Variants in WDFY2 observed in about 807,000 individuals in gnomAD.
WDFY2 encodes WD repeat and FYVE domain-containing protein 2.
WDFY2 carries 36 observed loss-of-function variants against 56.4 expected under a neutral mutation model. That is an observed-to-expected ratio of 0.64 (90% CI 0.49 to 0.84). The LOEUF (loss-of-function observed/expected upper bound fraction) is 0.84. WDFY2 is among the 40% of genes least tolerant of loss of function. WDFY2 has a pLI of 0.00. For synonymous variants in WDFY2, 176 were observed against 183.7 expected (o/e 0.96, Z 0.34); for missense variants, 444 against 512.2 (o/e 0.87, Z 1.29).
At chr13:51,637,746 T>C (rs1050733111) in intron 1 of WDFY2, among the ~76,000 whole-genome samples, 8 of 152,184 alleles carry the variant, frequency 5.3e-5, no homozygotes, top group South Asian at 2.1e-4. Flanking sequence ...CTTGTACATA[T>C]AGGATAAAAA....
intron 1 of WDFY2, among the ~76,000 whole-genome samples, chr13:51,607,300 C>G (rs930828543): frequency 6.6e-6 from 1 of 152,154 alleles, no homozygotes; most frequent in Non-Finnish European, 1.5e-5. Context: ...AGTAGACTTG[C>G]TTGGATGTGT....
At chr13:51,668,484 G>A (rs1455396494) in intron 2 of WDFY2, among the ~76,000 whole-genome samples, 2 of 152,296 alleles carry the variant, frequency 1.3e-5, no homozygotes, top group East Asian at 3.9e-4. Context: ...TTTAGTGCTA[G>A]AAAATTGAAG....
At position 51,646,584 on chromosome 13, in the gene WDFY2, A is replaced by T. The variant is rs925714376; in HGVS notation, c.138-14012A>T. On this transcript the variant is annotated intron_variant, in intron 1 of 11. Coordinates refer to ENST00000298125, the MANE Select transcript of WDFY2 (RefSeq NM_052950.4). Reference sequence around the variant, plus strand: ...TCTTTGTGGTTCCAGTGTGTTTCACATACCAGTACCTAGTAGGTGTTTGAT... The same window carrying T: ...TCTTTGTGGTTCCAGTGTGTTTCACTTACCAGTACCTAGTAGGTGTTTGAT... Among the ~76,000 whole-genome samples the T allele has an allele frequency of 3.2e-4, 49 of 152,230 alleles. 1 individual carries two copies. Among genetic ancestry groups the T allele is most frequent in the Non-Finnish European group, 5.9e-5 (4 of 68,046 alleles).
intron 7 of WDFY2, among the ~76,000 whole-genome samples, chr13:51,749,057 C>T (rs1953167488): frequency 6.6e-6 from 1 of 152,070 alleles, no homozygotes; most frequent in African/African-American, 2.4e-5. Flanking sequence ...TCTATTAAGC[C>T]AGACATTAGA....
At chr13:51,657,802 C>T (rs537975892) in intron 1 of WDFY2, among the ~76,000 whole-genome samples, 2 of 152,188 alleles carry the variant, frequency 1.3e-5, no homozygotes, top group South Asian at 2.1e-4. Flanking sequence ...CTTTGATTCC[C>T]TTTTGAAATT....
intron 1 of WDFY2, among the ~76,000 whole-genome samples, chr13:51,660,031 A>G (rs755946076): frequency 4.7e-4 from 72 of 152,228 alleles, no homozygotes; most frequent in Non-Finnish European, 6.2e-4. Context: ...TTCAAACACT[A>G]TCATGATTAC....
At position 51,764,674 on chromosome 13, in the gene WDFY2, A is replaced by G. The variant is rs138531990; in HGVS notation, c.*4905A>G. On this transcript the variant is annotated 3_prime_UTR_variant, in exon 12 of 12. Coordinates refer to ENST00000298125, the MANE Select transcript of WDFY2 (RefSeq NM_052950.4). ...GCAGCCAATGCTACTATTAGTTTAT[A>G]TTATAATAGTATCAGTTTCTTTTTC... The G allele has an allele frequency of 3.3e-5, 5 of 152,352 alleles. No homozygotes were observed. In the East Asian group the frequency reaches 9.6e-4, roughly 29 times the overall value. 9.4% of individuals were successfully genotyped at this position (152,352 alleles called of 1,614,324 possible).
rs1242852916 is a variant in WDFY2 at position 51,758,229 on chromosome 13, A to G, written c.1102A>G (p.Asn368Asp). The stretch of plus-strand genomic sequence containing the variant: ...AGCCACCTTCCATGACAGTAAACAT[A>G]ACATTGTGCATGTGCATTTCGATGC... Reference protein sequence around the residue: ...PTATFHDSKHNIVHVHFDATR... With the variant: ...PTATFHDSKHDIVHVHFDATR... The change falls in exon 11 of 12, where the codon AAC becomes GAC. Residue 368 changes from asparagine (N) to aspartate (D), a missense_variant. Physicochemically the swap from Asn to Asp is conservative, Grantham distance 23. Coordinates refer to ENST00000298125, the MANE Select transcript of WDFY2 (RefSeq NM_052950.4). The G allele has an allele frequency of 3.8e-6, 6 of 1,596,456 alleles. No homozygotes were observed. Among genetic ancestry groups the G allele is most frequent in the African/African-American group, 1.3e-5 (1 of 74,712 alleles).
chr13:51,610,831 A>G (rs1192719106), intron 1 of WDFY2, among the ~76,000 whole-genome samples: 1 of 152,334 alleles, frequency 6.6e-6, no homozygotes, highest in Non-Finnish European at 1.5e-5. Flanking sequence ...TGTCATTTTC[A>G]GAAATGATAG....
intron 5 of WDFY2, among the ~76,000 whole-genome samples, chr13:51,722,522 C>T (rs1310392258): frequency 1.3e-5 from 2 of 152,220 alleles, no homozygotes; most frequent in Non-Finnish European, 2.9e-5. Flanking sequence ...AGAAAAAAAT[C>T]TCAGATTTGC....
At chr13:51,642,299 G>T (rs1252331179) in intron 1 of WDFY2, among the ~76,000 whole-genome samples, 1 of 151,132 alleles carries the variant, frequency 6.6e-6, no homozygotes. Flanking sequence ...ATTTTATTTT[G>T]TTTTTTGAGA....
chr13:51,723,006 G>T (rs1413447721), intron 5 of WDFY2, among the ~76,000 whole-genome samples: 1 of 152,186 alleles, frequency 6.6e-6, no homozygotes, highest in Non-Finnish European at 1.5e-5. Flanking sequence ...GTCACCCTGT[G>T]TAGTGGAATG....
At chr13:51,623,959 G>T (rs1954791858) in intron 1 of WDFY2, among the ~76,000 whole-genome samples, 1 of 151,808 alleles carries the variant, frequency 6.6e-6, no homozygotes, top group African/African-American at 2.4e-5. Flanking sequence ...GCAGAATAAA[G>T]AAACATAACT....
intron 11 of WDFY2, 27 bp from the exon 12 acceptor site, chr13:51,759,713 T>C (rs1277635314): frequency 1.2e-6 from 2 of 1,613,644 alleles, no homozygotes; most frequent in Middle Eastern, 1.7e-4. Flanking sequence ...TTTTAGTTCA[T>C]TCTGTATCTT....
intron 1 of WDFY2, among the ~76,000 whole-genome samples, chr13:51,652,741 C>G (rs1314070147): frequency 1.3e-5 from 2 of 152,340 alleles, no homozygotes; most frequent in South Asian, 4.1e-4. Context: ...CCCCCACTCT[C>G]TTCTGGCTTG....
chr13:51,754,315 A>C (rs995802237), intron 8 of WDFY2, among the ~76,000 whole-genome samples: 2 of 152,156 alleles, frequency 1.3e-5, no homozygotes, highest in East Asian at 3.9e-4. Flanking sequence ...CAGTGCCCAG[A>C]TGACCTTCTT....
chr13:51,755,417 C>T lies in WDFY2; in HGVS notation c.891C>T (p.Asn297=). The T allele has an allele frequency of 6.2e-7, 1 of 1,614,194 alleles. No individual in the cohort carries two copies. Among genetic ancestry groups the T allele is most frequent in the Non-Finnish European group, 8.5e-7 (1 of 1,180,038 alleles). The change falls in exon 9 of 12, where the codon AAC becomes AAT. Residue 297 remains asparagine (N), a synonymous_variant. Transcript: ENST00000298125. The part of the protein sequence containing the change: ...CQKCDQPFFW[N]FKQMWDSKKI... ...AGTGTGATCAGCCTTTCTTCTGGAA[C>T]TTCAAGCAAATGTGGGACAGTAAGA...
At chr13:51,625,270 G>A (rs1286461058) in intron 1 of WDFY2, among the ~76,000 whole-genome samples, 2 of 152,166 alleles carry the variant, frequency 1.3e-5, no homozygotes, top group Non-Finnish European at 2.9e-5. Flanking sequence ...TTCTGGTTAA[G>A]TACATCTGAT....
chr13:51,593,825 T>A (rs1385225257), intron 1 of WDFY2: 1 of 152,214 alleles, frequency 6.6e-6, no homozygotes, highest in African/African-American at 2.4e-5. Context: ...TCCAGATATA[T>A]CTTACATTTT....
Sources: allele counts gnomAD v4.1 joint callset (sites outside exome capture counted in the v4.1 genomes callset), GRCh38; gene constraint gnomAD v4.1.1; transcripts MANE v1.5; gene names NCBI Gene and HGNC (gene_info 2026-07-23, HGNC 2026-07-21).